Variants in RAP1GAP2 observed in about 807,000 individuals in gnomAD.
RAP1GAP2 encodes the protein rap1 GTPase-activating protein 2.
RAP1GAP2 carries 27 observed loss-of-function variants against 95.0 expected under a neutral mutation model. That is an observed-to-expected ratio of 0.28 (90% CI 0.21 to 0.39). The LOEUF is 0.39. Among genes scored for constraint, RAP1GAP2 ranks in the 10% least tolerant of loss-of-function variants. RAP1GAP2 has a pLI of 1.00. For synonymous variants in RAP1GAP2, 373 were observed against 380.9 expected, an observed-to-expected ratio of 0.98 and a Z score of 0.24; for missense variants, 771 against 970.0, an observed-to-expected ratio of 0.79 and a Z score of 2.72.
chr17:2,913,841 T>C (rs9898217), intron 3 of RAP1GAP2, among the ~76,000 whole-genome samples: 13,478 of 152,092 alleles, frequency 0.089, 1,260 homozygotes, highest in East Asian at 0.3. Context: ...GTTCTGATTT[T>C]TTTCAAAAGT....
chr17:2,832,217 A>AC (rs1180444050), intron 2 of RAP1GAP2, among the ~76,000 whole-genome samples: 5 of 147,340 alleles, frequency 3.4e-5, no homozygotes, highest in African/African-American at 1.0e-4. Context: ...AAAAAAAAAG[A>AC]AAACAAAAAA....
At chr17:2,828,147 C>T (rs193085962) in intron 2 of RAP1GAP2, among the ~76,000 whole-genome samples, 1 of 152,162 alleles carries the variant, frequency 6.6e-6, no homozygotes, top group Non-Finnish European at 1.5e-5. Flanking sequence ...TCGAGACCAG[C>T]CTGGCTAACA....
At chr17:2,940,047 G>C (rs2043437163) in intron 3 of RAP1GAP2, among the ~76,000 whole-genome samples, 1 of 152,244 alleles carries the variant, frequency 6.6e-6, no homozygotes, top group African/African-American at 2.4e-5. Context: ...CCCAGGCCCT[G>C]GCGGGAGATG....
rs1461075113 is a variant in RAP1GAP2, at chr17:2,827,385, G to C, written c.80+26835G>C. Among the ~76,000 whole-genome samples the C allele has an allele frequency of 6.6e-6, 1 of 151,154 alleles. No homozygotes were observed. Among genetic ancestry groups the C allele is most frequent in the African/African-American group, 2.4e-5 (1 of 41,222 alleles). Reference sequence around the variant, plus strand: ...GGGAGGCAGATGAGAACAGAATGAAGAACGCAGATGGTTTCAGACAGTGCC... The same window carrying C: ...GGGAGGCAGATGAGAACAGAATGAACAACGCAGATGGTTTCAGACAGTGCC... On this transcript the variant is annotated intron_variant, in intron 2 of 24. Coordinates refer to ENST00000254695, the MANE Select transcript of RAP1GAP2 (RefSeq NM_015085.5). The surrounding 1 kb of genome is among the most constrained non-coding windows in gnomAD (Gnocchi z 4.1).
chr17:2,904,530 CTGTGTGTGTGTGTGTGTGTG>C lies in RAP1GAP2; in HGVS notation c.81-734_81-715del, dbSNP rs5818880. On this transcript the variant is annotated intron_variant, in intron 2 of 24. Transcript: ENST00000254695. The surrounding 1 kb of genome is among the most constrained non-coding windows in gnomAD (Gnocchi z 4.7). ...CCGAGGACAGCTTTTTGACCAGGGC[CTGTGTGTGTGTGTGTGTGTG>C]TGTGTGTGTGTGTGTGTGTACGTGC... Among the ~76,000 whole-genome samples, 2 of 129,082 alleles carry C rather than the reference CTGTGTGTGTGTGTGTGTGTG, an allele frequency of 1.5e-5. No individual in the cohort carries two copies. The highest frequency in any genetic ancestry group is 7.9e-5 in the Admixed American group (1 of 12,674). 84.7% of individuals were successfully genotyped at this position (129,082 alleles called of 152,430 possible).
In RAP1GAP2 at chr17:3,033,490, G is replaced by C. The variant is rs28505372; in HGVS notation, c.*129G>C. On this transcript the variant is annotated 3_prime_UTR_variant, in exon 25 of 25. Transcript: ENST00000254695. The surrounding 1 kb of genome is among the most constrained non-coding windows in gnomAD (Gnocchi z 4.9). ...CCCAGCCCTGCTGCCCCATGGCCAC[G>C]TGCCCACAGATGTGCTGTTGGTCCA... is the stretch of plus-strand genomic sequence containing the variant. 8,930 of 153,348 alleles carry C rather than the reference G, an allele frequency of 0.058. 883 individuals carry two copies. The highest frequency in any genetic ancestry group is 0.2 in the African/African-American group (8,421 of 41,452). 9.5% of individuals were successfully genotyped at this position (153,348 alleles called of 1,614,324 possible).
intron 2 of RAP1GAP2, among the ~76,000 whole-genome samples, chr17:2,819,159 C>T (rs1182870103): frequency 1.3e-5 from 2 of 151,760 alleles, no homozygotes; most frequent in Admixed American, 6.6e-5. Flanking sequence ...CCTGGGACTA[C>T]AGGCGCCCGC....
At chr17:2,803,695 A>G (rs745934987) in intron 2 of RAP1GAP2, among the ~76,000 whole-genome samples, 1 of 152,198 alleles carries the variant, frequency 6.6e-6, no homozygotes, top group Non-Finnish European at 1.5e-5. Flanking sequence ...CCTGACCAAC[A>G]TGGTAAAACC....
At chr17:2,954,873 T>C (rs1044183836) in intron 3 of RAP1GAP2, among the ~76,000 whole-genome samples, 1 of 152,200 alleles carries the variant, frequency 6.6e-6, no homozygotes, top group African/African-American at 2.4e-5. Context: ...ATTACAGGTG[T>C]GAGCCACCGT....
At chr17:3,018,283 G>C in intron 18 of RAP1GAP2, 85 bp downstream of exon 18, 1 of 1,472,692 alleles carries the variant, frequency 6.8e-7, no homozygotes, top group South Asian at 1.3e-5. Context: ...CCCCACCCAG[G>C]CTTGGGCAGG....
intron 3 of RAP1GAP2, among the ~76,000 whole-genome samples, chr17:2,944,976 G>A (rs1276101407): frequency 1.3e-5 from 2 of 152,066 alleles, no homozygotes; most frequent in African/African-American, 4.8e-5. Context: ...TCTGTCTCCC[G>A]GGTTCACGTC....
chr17:2,843,290 CTT>C (rs753692076), intron 2 of RAP1GAP2, among the ~76,000 whole-genome samples: 41 of 141,044 alleles, frequency 2.9e-4, no homozygotes, highest in Non-Finnish European at 2.5e-4. Context: ...GTTAATTTCC[CTT>C]TTTTTTTTTT....
In RAP1GAP2 at chr17:2,904,801, G is replaced by A. The variant is rs886403814; in HGVS notation, c.81-483G>A. ...TCCCAGGTGCCGCTGGTGGTCCAGG[G>A]ACCATACTTAGAGTAGCACTGCTTT... On this transcript the variant is annotated intron_variant, in intron 2 of 24. Coordinates refer to ENST00000254695, the MANE Select transcript of RAP1GAP2 (RefSeq NM_015085.5). This position sits in a 1 kb window ranked among gnomAD's most constrained non-coding sequence, Gnocchi z 4.7. Among the ~76,000 whole-genome samples the A allele has an allele frequency of 2.0e-5, 3 of 152,150 alleles. No individual in the cohort carries two copies. Among genetic ancestry groups the A allele is most frequent in the African/African-American group, 7.2e-5 (3 of 41,428 alleles).
At chr17:2,985,094 T>G in intron 11 of RAP1GAP2, 28 bp downstream of exon 11, 2 of 1,613,058 alleles carry the variant, frequency 1.2e-6, no homozygotes, top group Non-Finnish European at 1.7e-6. Flanking sequence ...TACCGGTGAC[T>G]GTATCCCGTG....
chr17:2,833,403 T>C (rs1475086339), intron 2 of RAP1GAP2, among the ~76,000 whole-genome samples: 3 of 151,930 alleles, frequency 2.0e-5, no homozygotes, highest in Non-Finnish European at 2.9e-5. Flanking sequence ...TCCCAAAGTG[T>C]TGGGATTACA....
chr17:2,986,390 G>A (rs1020011812), intron 11 of RAP1GAP2, among the ~76,000 whole-genome samples: 2 of 152,142 alleles, frequency 1.3e-5, no homozygotes, highest in East Asian at 3.9e-4. Context: ...TTTGCTTGTG[G>A]AATTTACCAA....
At chr17:2,998,603 G>A (rs186376362) in intron 14 of RAP1GAP2, among the ~76,000 whole-genome samples, 8 of 152,262 alleles carry the variant, frequency 5.3e-5, no homozygotes, top group African/African-American at 1.7e-4. Context: ...TTGAGGAGGT[G>A]TGAGTGTAGT....
intron 3 of RAP1GAP2, among the ~76,000 whole-genome samples, chr17:2,908,557 AT>A: frequency 6.6e-6 from 1 of 151,976 alleles, no homozygotes; most frequent in African/African-American, 2.4e-5. Context: ...TGGAGCTCAG[AT>A]TTTGCAGGTG....
intron 14 of RAP1GAP2, among the ~76,000 whole-genome samples, chr17:3,002,034 C>G (rs548706988): frequency 7.9e-4 from 119 of 150,202 alleles, no homozygotes; most frequent in African/African-American, 2.8e-3. Context: ...GTGATCTTGG[C>G]TCACTGCAAC....
Sources: allele counts gnomAD v4.1 joint callset (sites outside exome capture counted in the v4.1 genomes callset), GRCh38; gene constraint gnomAD v4.1.1; non-coding constraint Gnocchi (gnomAD v3.1); transcripts MANE v1.5; gene names NCBI Gene and HGNC (gene_info 2026-07-23, HGNC 2026-07-21).